Variants in KIR2DL3 observed in about 807,000 individuals in gnomAD.
KIR2DL3 encodes killer cell immunoglobulin like receptor, two Ig domains and long cytoplasmic tail 3, also known as killer cell immunoglobulin-like receptor 2DL3.
A neutral mutation model predicts 33.8 loss-of-function variants in KIR2DL3; 39 were observed. The ratio of observed to expected loss-of-function variants is 1.15; its 90% CI spans 0.89 to 1.51. KIR2DL3 has a LOEUF of 1.51. Ranked by LOEUF, KIR2DL3 falls within the 40% of genes most tolerant of loss-of-function variation. The pLI, the probability that KIR2DL3 is intolerant of heterozygous loss-of-function variation, is 0.00. For missense variants in KIR2DL3, 462 were observed against 426.2 expected (o/e 1.08, Z -0.74); for synonymous variants, 174 against 160.2 (o/e 1.09, Z -0.65).
At chr19:54,742,833 T>A (rs687236) in intron 3 of KIR2DL3, among the ~76,000 whole-genome samples, 52,205 of 135,112 alleles carry the variant, frequency 0.39, 9,794 homozygotes, top group South Asian at 0.46. Flanking sequence ...CTGGATTCTG[T>A]GGCTCACATT....
intron 5 of KIR2DL3, among the ~76,000 whole-genome samples, chr19:54,749,146 T>A (rs1555915263): frequency 0.015 from 2,069 of 137,094 alleles, no homozygotes; most frequent in Admixed American, 0.025. Context: ...CTGGGAATGA[T>A]GTGGGGAGAA....
Position 54,752,560 on chromosome 19 carries a change from T to A in KIR2DL3, c.*41T>A. On this transcript the variant is annotated 3_prime_UTR_variant, in exon 8 of 8. Coordinates refer to ENST00000342376, the MANE Select transcript of KIR2DL3 (RefSeq NM_015868.3). ...TGCCCATGAGCACCACAGTCAGGCCTTGAGGGGATCTTCTAGGGAGACAAC... is the reference window on the plus strand; with the variant it reads ...TGCCCATGAGCACCACAGTCAGGCCATGAGGGGATCTTCTAGGGAGACAAC... 1 of 1,461,570 alleles carries A rather than the reference T, an allele frequency of 6.8e-7. No homozygotes were observed. The allele number at this position is 1,461,570 out of a possible 1,614,324, so 90.5% of individuals were successfully genotyped here.
chr19:54,752,552 G>T lies in KIR2DL3; in HGVS notation c.*33G>T. 2 of 1,462,478 alleles carry T rather than the reference G, an allele frequency of 1.4e-6. No individual in the cohort carries two copies. The highest frequency in any genetic ancestry group is 1.9e-6 in the Non-Finnish European group (2 of 1,075,380). 90.6% of individuals were successfully genotyped at this position (1,462,478 alleles called of 1,614,324 possible). On this transcript the variant is annotated 3_prime_UTR_variant, in exon 8 of 8. Transcript: ENST00000342376. ...TTGTCTCCTGCCCATGAGCACCACA[G>T]TCAGGCCTTGAGGGGATCTTCTAGG...
Position 54,738,716 on chromosome 19 carries a change from AGTGGAGATCTGGGCCTG to A in KIR2DL3, c.34+139_34+155del. 12 of 1,322,740 alleles carry A rather than the reference AGTGGAGATCTGGGCCTG, an allele frequency of 9.1e-6. No individual in the cohort carries two copies. In the South Asian group the frequency reaches 9.9e-5, roughly 11 times the overall value. 81.9% of individuals were successfully genotyped at this position (1,322,740 alleles called of 1,614,324 possible). ...CCTAGAAGTGGAGATCTGGGCCTGGAGTGGAGATCTGGGCCTGGAGTGGAGATATGGGCCTGGAGGTT... is the reference window on the plus strand; with the variant it reads ...CCTAGAAGTGGAGATCTGGGCCTGGAGAGTGGAGATATGGGCCTGGAGGTT... On this transcript the variant is annotated intron_variant, in intron 1 of 7. Coordinates refer to ENST00000342376, the MANE Select transcript of KIR2DL3 (RefSeq NM_015868.3).
chr19:54,744,994 T>C (rs2072210037), intron 4 of KIR2DL3, among the ~76,000 whole-genome samples: 2 of 135,764 alleles, frequency 1.5e-5, no homozygotes, highest in South Asian at 2.5e-4. Flanking sequence ...CACCCTTTTA[T>C]TCCTGGCCTC....
chr19:54,745,447 C>T (rs1450116653), intron 4 of KIR2DL3, among the ~76,000 whole-genome samples: 1 of 150,662 alleles, frequency 6.6e-6, no homozygotes, highest in Non-Finnish European at 1.5e-5. Context: ...ATTGCAACCT[C>T]CGCCTCCTGG....
intron 3 of KIR2DL3, 30 bp downstream of exon 3, chr19:54,742,309 T>C (rs765101836): frequency 1.2e-5 from 19 of 1,612,166 alleles, no homozygotes; most frequent in East Asian, 2.2e-5. Flanking sequence ...CTCATTGTCA[T>C]TGGGATGCAG....
rs566524410 is a variant in KIR2DL3, at chr19:54,752,568, A to T, written c.*49A>T. On this transcript the variant is annotated 3_prime_UTR_variant, in exon 8 of 8. Transcript: ENST00000342376. ...AGCACCACAGTCAGGCCTTGAGGGG[A>T]TCTTCTAGGGAGACAACAGCCCTGT... 1.4e-5 allele frequency: 21 copies of T among 1,457,164 alleles called. 3 individuals carry two copies. In the East Asian group the frequency reaches 4.7e-4, roughly 33 times the overall value. 90.3% of individuals were successfully genotyped at this position (1,457,164 alleles called of 1,614,324 possible).
chr19:54,748,329 T>C (rs1355654979), intron 5 of KIR2DL3, among the ~76,000 whole-genome samples: 1 of 150,982 alleles, frequency 6.6e-6, no homozygotes, highest in Non-Finnish European at 1.5e-5. Context: ...TCATCCAGGA[T>C]ACCCTTGTTT....
chr19:54,747,251 G>A lies in KIR2DL3; in HGVS notation c.665-84G>A. ...GCCCAATATTAGATAACAGAGTGTT[G>A]GCCATGAACCAACCTCAAAGATTTC... On this transcript the variant is annotated intron_variant, in intron 4 of 7. Transcript: ENST00000342376. The A allele has an allele frequency of 1.9e-6, 3 of 1,547,734 alleles. No homozygotes were observed. In the East Asian group the frequency reaches 6.7e-5, roughly 35 times the overall value.
chr19:54,742,019 C>T lies in KIR2DL3; in HGVS notation c.110C>T (p.Pro37Leu), dbSNP rs1555897648. Residue 37 changes from proline to leucine, a missense_variant, in exon 3 of 8, where the codon CCC becomes CTC. Physicochemically the swap from Pro to Leu is moderately conservative, Grantham distance 98 (BLOSUM62 -3). Transcript: ENST00000342376. ...CCTTCCCTCCTGGCCCACCCAGGTC[C>T]CCTGGTGAAATCAGAAGAGACAGTC... is the stretch of plus-strand genomic sequence containing the variant. Reference protein sequence around the residue: ...RKPSLLAHPGPLVKSEETVIL... With the variant: ...RKPSLLAHPGLLVKSEETVIL... 6.8e-7 allele frequency: 1 copy of T among 1,480,808 alleles called. No individual in the cohort carries two copies. The highest frequency in any genetic ancestry group is 1.8e-5 in the Admixed American group (1 of 54,210). 91.7% of individuals were successfully genotyped at this position (1,480,808 alleles called of 1,614,324 possible). A position where few individuals can be genotyped will look rare whatever the true frequency, so the allele number is the denominator to read the frequency against.
Position 54,747,913 on chromosome 19 carries a change from G to T in KIR2DL3, c.715+528G>T, listed in dbSNP as rs1211565356. 5.3e-5 allele frequency among the ~76,000 whole-genome samples: 8 copies of T among 152,308 alleles called. No individual in the cohort carries two copies. The South Asian group carries it at 1.7e-3, about 32-fold the overall frequency. On this transcript the variant is annotated intron_variant, in intron 5 of 7. Coordinates refer to ENST00000342376, the MANE Select transcript of KIR2DL3 (RefSeq NM_015868.3). ...CCCCATGCTCAGGCTGTGCAGTGCG[G>T]AACCTTTTCCTATTGTTGCCATAAC... is the stretch of plus-strand genomic sequence containing the variant.
chr19:54,744,952 ATATTTTTTTTTTTTT>A (rs1346230077), intron 4 of KIR2DL3, among the ~76,000 whole-genome samples: 41 of 27,226 alleles, frequency 1.5e-3, no homozygotes, highest in African/African-American at 5.3e-3. Flanking sequence ...ATATATATAT[ATATTTTTTTTTTTTT>A]TTTTTTTTTT....
chr19:54,740,593 T>G (rs1168213141), intron 2 of KIR2DL3, among the ~76,000 whole-genome samples: 1 of 151,596 alleles, frequency 6.6e-6, no homozygotes, highest in Non-Finnish European at 1.5e-5. Context: ...TCCCACCTCC[T>G]GAATCCCAGA....
chr19:54,738,768 GC>G lies in KIR2DL3; in HGVS notation c.34+191del, dbSNP rs542915405. On this transcript the variant is annotated intron_variant, in intron 1 of 7. Transcript: ENST00000342376. ...TATGGGCCTGGAGGTTGAGATATGGGCCTGCAGTAGAGATATGGGCTTGTAG... is the reference window on the plus strand; with the variant it reads ...TATGGGCCTGGAGGTTGAGATATGGGCTGCAGTAGAGATATGGGCTTGTAG... Among the ~76,000 whole-genome samples, 310 of 147,586 alleles carry G rather than the reference GC, an allele frequency of 2.1e-3. 1 individual carries two copies. The highest frequency in any genetic ancestry group is 7.4e-3 in the African/African-American group (294 of 39,962).
chr19:54,741,210 G>C (rs755026784), intron 2 of KIR2DL3, among the ~76,000 whole-genome samples: 1 of 151,306 alleles, frequency 6.6e-6, no homozygotes, highest in Non-Finnish European at 1.5e-5. Flanking sequence ...ATGGTGGCAG[G>C]TGCATGTAAT....
intron 4 of KIR2DL3, among the ~76,000 whole-genome samples, 179 bp downstream of exon 4, chr19:54,744,267 T>G (rs1213216294): frequency 2.0e-5 from 3 of 152,122 alleles, no homozygotes; most frequent in East Asian, 1.9e-4. Flanking sequence ...CTACACGGCC[T>G]GCATGAAGGC....
Position 54,752,277 on chromosome 19 carries a change from T to C in KIR2DL3, c.873+9T>C. On this transcript the variant is annotated intron_variant, in intron 7 of 7. Transcript: ENST00000342376. ...GAACAGTGAACAGGGAGGTAGGTGC[T>C]CCTCGGCCCAGCCTCGTGGCTAGTG... The C allele has an allele frequency of 6.7e-7, 1 of 1,485,912 alleles. No homozygotes were observed. The allele number at this position is 1,485,912 out of a possible 1,614,324, so 92.0% of individuals were successfully genotyped here.
chr19:54,746,088 C>A (rs1289676710), intron 4 of KIR2DL3, among the ~76,000 whole-genome samples: 3 of 134,686 alleles, frequency 2.2e-5, no homozygotes, highest in East Asian at 3.9e-4. Context: ...TCTAGGATGA[C>A]AGACGTGAGC....
Sources: gnomAD v4.1 joint callset for allele counts (sites outside exome capture counted in the v4.1 genomes callset) on GRCh38, gnomAD v4.1.1 for gene constraint, MANE v1.5 for transcripts, NCBI Gene and HGNC (gene_info 2026-07-23, HGNC 2026-07-21) for gene names.